Variants in KLF8 observed in about 807,000 individuals in gnomAD.
KLF8 encodes Krueppel-like factor 8.
Under a neutral mutation model 18.2 loss-of-function variants are expected in KLF8, and 10 were observed. The observed-to-expected ratio is 0.55, with a 90% CI of 0.34 to 0.93. The LOEUF is 0.93. Among genes scored for constraint, KLF8 ranks in the 40% least tolerant of loss-of-function variants. KLF8 has a pLI of 0.02. For synonymous variants in KLF8, 109 were observed against 97.3 expected, an observed-to-expected ratio of 1.12 and a Z score of -0.71; for missense variants, 264 against 277.9, an observed-to-expected ratio of 0.95 and a Z score of 0.36.
the KLF8 span, among the ~76,000 whole-genome samples, chrX:56,215,900 A>G: frequency 3.6e-4 from 38 of 104,240 alleles, no homozygotes; most frequent in African/African-American, 1.2e-3. Context: ...CACATATCCA[A>G]TTGTTTACTT....
intron 2 of KLF8, among the ~76,000 whole-genome samples, chrX:56,254,631 A>G (rs970715967): frequency 9.0e-6 from 1 of 110,835 alleles, no homozygotes; most frequent in African/African-American, 3.3e-5. Context: ...CAAAGTGGCT[A>G]TCAGTGGGAG....
the KLF8 span, among the ~76,000 whole-genome samples, chrX:56,063,672 G>A: frequency 8.9e-6 from 1 of 111,770 alleles, no homozygotes; most frequent in African/African-American, 3.3e-5. Flanking sequence ...TCTTAGTGGA[G>A]GTCAAGTGCT....
the KLF8 span, among the ~76,000 whole-genome samples, chrX:55,959,365 T>A: frequency 8.9e-6 from 1 of 111,995 alleles, no homozygotes; most frequent in Non-Finnish European, 1.9e-5. Flanking sequence ...ACCGAGTGTC[T>A]TCTTACCTCC....
chrX:56,128,829 G>A, the KLF8 span, among the ~76,000 whole-genome samples: 2 of 112,286 alleles, frequency 1.8e-5, no homozygotes, highest in African/African-American at 6.5e-5. Context: ...AAAACCCACA[G>A]TGTAGTTGGT....
the KLF8 span, among the ~76,000 whole-genome samples, chrX:56,150,607 G>A: frequency 8.1e-5 from 9 of 111,052 alleles, no homozygotes; most frequent in African/African-American, 2.9e-4. Context: ...GACCTGCTGT[G>A]TTGGATGCTC....
the KLF8 span, among the ~76,000 whole-genome samples, chrX:55,945,041 C>T: frequency 1.6e-4 from 18 of 111,308 alleles, no homozygotes; most frequent in South Asian, 1.2e-3. Flanking sequence ...TCTTTGTTCT[C>T]GTTGGTTTCA....
chrX:56,160,429 A>G, the KLF8 span, among the ~76,000 whole-genome samples: 3 of 111,135 alleles, frequency 2.7e-5, no homozygotes, highest in Non-Finnish European at 3.8e-5. Flanking sequence ...ACTGAATTCA[A>G]TTCCTGGATA....
the KLF8 span, among the ~76,000 whole-genome samples, chrX:56,185,132 T>A: frequency 9.0e-6 from 1 of 111,517 alleles, no homozygotes; most frequent in Non-Finnish European, 1.9e-5. Context: ...TTGAAAAAAA[T>A]TTAGACGAAT....
chrX:56,191,493 C>T, the KLF8 span, among the ~76,000 whole-genome samples: 1 of 111,496 alleles, frequency 9.0e-6, no homozygotes, highest in Non-Finnish European at 1.9e-5. Context: ...GACAGAGACA[C>T]CAAACAAAGA....
chrX:55,970,783 A>G, the KLF8 span, among the ~76,000 whole-genome samples: 2 of 111,633 alleles, frequency 1.8e-5, no homozygotes, highest in African/African-American at 6.5e-5. Flanking sequence ...AATCTCAAAA[A>G]GAAATCAAGA....
chrX:56,179,262 T>C, the KLF8 span, among the ~76,000 whole-genome samples: 1 of 111,916 alleles, frequency 8.9e-6, no homozygotes, highest in Non-Finnish European at 1.9e-5. Context: ...AATTGTGAAT[T>C]GGAGTTCACT....
the KLF8 span, among the ~76,000 whole-genome samples, chrX:55,971,407 C>G: frequency 9.0e-6 from 1 of 111,099 alleles, no homozygotes; most frequent in African/African-American, 3.3e-5. Context: ...ACACAAAAAT[C>G]AAATCAAAAT....
chrX:56,178,464 C>T, the KLF8 span, among the ~76,000 whole-genome samples: 1 of 112,052 alleles, frequency 8.9e-6, no homozygotes, highest in East Asian at 2.8e-4. Context: ...GTTTGTTTTG[C>T]TGTGCAGAAA....
At chrX:56,077,950 A>G in the KLF8 span, among the ~76,000 whole-genome samples, 2 of 111,624 alleles carry the variant, frequency 1.8e-5, no homozygotes, top group African/African-American at 3.2e-5. Flanking sequence ...TTTGTCTGTT[A>G]TTGGTGTATA....
At chrX:56,193,531 C>A in the KLF8 span, among the ~76,000 whole-genome samples, 1 of 112,192 alleles carries the variant, frequency 8.9e-6, no homozygotes, top group Non-Finnish European at 1.9e-5. Flanking sequence ...ATATTTATTG[C>A]ACCACTATCA....
At chrX:55,955,907 GT>G in the KLF8 span, among the ~76,000 whole-genome samples, 2 of 111,278 alleles carry the variant, frequency 1.8e-5, no homozygotes, top group Admixed American at 9.6e-5. Context: ...ATATTTAAAA[GT>G]CAAGAAATTC....
the KLF8 span, among the ~76,000 whole-genome samples, chrX:56,104,253 T>C: frequency 8.9e-6 from 1 of 111,772 alleles, no homozygotes; most frequent in Non-Finnish European, 1.9e-5. Flanking sequence ...GGATTCCCTC[T>C]TTTTCTATTG....
chrX:55,958,326 A>C, the KLF8 span, among the ~76,000 whole-genome samples: 1 of 112,171 alleles, frequency 8.9e-6, no homozygotes, highest in African/African-American at 3.2e-5. Context: ...AAGTCAGGTA[A>C]TATAAACTGG....
chrX:56,109,051 C>T, the KLF8 span, among the ~76,000 whole-genome samples: 2 of 111,300 alleles, frequency 1.8e-5, no homozygotes, highest in Non-Finnish European at 3.8e-5. Flanking sequence ...CAGAGATAAT[C>T]CTTTGTGTGG....
Sources: gnomAD v4.1 joint callset for allele counts (sites outside exome capture counted in the v4.1 genomes callset) on GRCh38, gnomAD v4.1.1 for gene constraint, MANE v1.5 for transcripts, NCBI Gene and HGNC (gene_info 2026-07-23, HGNC 2026-07-21) for gene names.